SNRPN: variants seen among roughly 807,000 people sequenced by gnomAD.
The protein encoded by SNRPN is small nuclear ribonucleoprotein polypeptide N, also known as small nuclear ribonucleoprotein-associated protein N.
A neutral mutation model predicts 25.2 loss-of-function variants in SNRPN; 7 were observed. The ratio of observed to expected loss-of-function variants is 0.28; its 90% CI spans 0.16 to 0.52. SNRPN has a LOEUF of 0.52. SNRPN is among the 20% of genes least tolerant of loss of function. SNRPN has a pLI of 0.96. For missense variants in SNRPN, 196 were observed against 322.5 expected (o/e 0.61, Z 3.00); for synonymous variants, 124 against 110.6 (o/e 1.12, Z -0.76).
chr15:24,830,263 C>G (rs1245939430), intron 2 of SNRPN, among the ~76,000 whole-genome samples: 2 of 151,986 alleles, frequency 1.3e-5, no homozygotes, highest in Non-Finnish European at 2.9e-5. Context: ...TTTGGTTGAT[C>G]ATTTCTGAAG....
At chr15:24,937,675 A>G (rs892451928) in intron 3 of SNRPN, among the ~76,000 whole-genome samples, 1 of 152,226 alleles carries the variant, frequency 6.6e-6, no homozygotes, top group African/African-American at 2.4e-5. Context: ...CACTAAGTGC[A>G]TTCACATTGA....
At chr15:24,851,046 A>G (rs993557368) in intron 2 of SNRPN, 1 of 151,704 alleles carries the variant, frequency 6.6e-6, no homozygotes, top group African/African-American at 2.4e-5. Context: ...TCAGCCTCCC[A>G]TGTAGCTGGG....
At chr15:24,824,049 A>T (rs976824236) in intron 1 of SNRPN, among the ~76,000 whole-genome samples, 4 of 152,122 alleles carry the variant, frequency 2.6e-5, no homozygotes, top group African/African-American at 9.7e-5. Flanking sequence ...TAGTAATTAA[A>T]TGAAAATAGC....
At chr15:24,897,845 G>A (rs2058175308) in intron 2 of SNRPN, among the ~76,000 whole-genome samples, 1 of 152,098 alleles carries the variant, frequency 6.6e-6, no homozygotes, top group African/African-American at 2.4e-5. Context: ...CTAGCCATGT[G>A]GAACTGTGAG....
chr15:24,862,076 G>A (rs2054033634), intron 1 of SNRPN, among the ~76,000 whole-genome samples: 1 of 150,862 alleles, frequency 6.6e-6, no homozygotes, highest in Admixed American at 6.6e-5. Flanking sequence ...AAATGACAGC[G>A]GGTTGCAGCG....
chr15:24,848,257 G>GT (rs1227263224), intron 2 of SNRPN: 1 of 139,334 alleles, frequency 7.2e-6, no homozygotes, highest in Admixed American at 7.3e-5. Context: ...GGCGGGGGCG[G>GT]GGGCGGGGGC....
At chr15:24,908,859 T>C (rs1409781096) in intron 2 of SNRPN, 1 of 622,722 alleles carries the variant, frequency 1.6e-6, no homozygotes, top group African/African-American at 1.9e-5. Context: ...CTTTTTTTCT[T>C]TTTCTTTTTT....
At chr15:24,931,657 C>T (rs988340501) in intron 3 of SNRPN, among the ~76,000 whole-genome samples, 12 of 151,460 alleles carry the variant, frequency 7.9e-5, no homozygotes, top group African/African-American at 2.4e-4. Context: ...TGGGCAACAT[C>T]GTGAAACACT....
chr15:24,922,315 C>T (rs925843166), intron 3 of SNRPN, among the ~76,000 whole-genome samples: 3 of 152,204 alleles, frequency 2.0e-5, no homozygotes, highest in Non-Finnish European at 4.4e-5. Context: ...CATTCACAAT[C>T]CAGATCCTCT....
chr15:24,843,819 A>ACACACACACACACAC (rs1555378754), intron 2 of SNRPN, among the ~76,000 whole-genome samples: 1 of 151,312 alleles, frequency 6.6e-6, no homozygotes, highest in Non-Finnish European at 1.5e-5. Flanking sequence ...ACACACACAG[A>ACACACACACACACAC]AAACTTAGCT....
At chr15:24,912,693 G>C (rs1405504865) in intron 2 of SNRPN, among the ~76,000 whole-genome samples, 3 of 152,172 alleles carry the variant, frequency 2.0e-5, no homozygotes, top group African/African-American at 7.2e-5. Context: ...CTGCTCTAAT[G>C]CATGAGATTA....
rs985727662 is a variant in SNRPN at position 24,930,664 on chromosome 15, G to A, written c.-391+10540G>A. On this transcript the variant is annotated intron_variant, in intron 3 of 11. Coordinates refer to the SNRPN transcript ENST00000400097. ...CCCAGTAAATCCCAGTACTTTGGGA[G>A]GCCGGGCCGGGTGGATCCCGAGGTC... 5.3e-5 allele frequency among the ~76,000 whole-genome samples: 8 copies of A among 151,826 alleles called. No individual in the cohort carries two copies. The East Asian group carries it at 1.6e-3, about 30-fold the overall frequency.
At chr15:24,943,847 G>C (rs2061714773) in intron 3 of SNRPN, among the ~76,000 whole-genome samples, 1 of 151,738 alleles carries the variant, frequency 6.6e-6, no homozygotes, top group African/African-American at 2.4e-5. Flanking sequence ...TTCGAGACAG[G>C]GTCTCGCCCT....
At chr15:24,892,975 G>T (rs1462629267) in intron 2 of SNRPN, among the ~76,000 whole-genome samples, 1 of 151,014 alleles carries the variant, frequency 6.6e-6, no homozygotes, top group Non-Finnish European at 1.5e-5. Flanking sequence ...TTGGGAGGCT[G>T]AGGCAGGCGG....
chr15:24,826,635 A>G (rs1375173274), intron 1 of SNRPN, among the ~76,000 whole-genome samples: 2 of 152,116 alleles, frequency 1.3e-5, no homozygotes, highest in Admixed American at 6.5e-5. Context: ...TGAAACTCAT[A>G]AAGAAAAACC....
chr15:24,930,210 CAAAA>C (rs10554147), intron 3 of SNRPN, among the ~76,000 whole-genome samples: 1,106 of 93,868 alleles, frequency 0.012, 17 homozygotes, highest in East Asian at 0.079. Flanking sequence ...CACCACAGTC[CAAAA>C]AAAAAAAAAA....
intron 1 of SNRPN, among the ~76,000 whole-genome samples, chr15:24,880,080 G>A (rs1315460239): frequency 6.6e-6 from 1 of 152,078 alleles, no homozygotes; most frequent in Non-Finnish European, 1.5e-5. Context: ...TGGGGTAGGC[G>A]GTCAGAGGAA....
intron 1 of SNRPN, among the ~76,000 whole-genome samples, chr15:24,883,442 C>G (rs1255170355): frequency 6.6e-6 from 1 of 151,292 alleles, no homozygotes. Flanking sequence ...CTGGGTGGCT[C>G]AGGGCCAGTT....
chr15:24,889,067 G>A lies in SNRPN; in HGVS notation c.-505+2478G>A, dbSNP rs548401427. On this transcript the variant is annotated intron_variant, in intron 2 of 11. Transcript: ENST00000400097. ...CGAGTAGCTGGAACTACAGGCACAC[G>A]CCACCACACCTGGCTAATTTTTATA... Among the ~76,000 whole-genome samples, 74 of 151,766 alleles carry A rather than the reference G, an allele frequency of 4.9e-4. 2 individuals carry two copies. The South Asian group carries it at 0.013, about 26-fold the overall frequency.
Sources: gnomAD v4.1 joint callset for allele counts (sites outside exome capture counted in the v4.1 genomes callset) on GRCh38, gnomAD v4.1.1 for gene constraint, MANE v1.5 for transcripts, NCBI Gene and HGNC (gene_info 2026-07-23, HGNC 2026-07-21) for gene names.